The following COL21A1 variants were observed in gnomAD, a reference collection of about 807,000 sequenced individuals.
The protein encoded by COL21A1 is collagen type XXI alpha 1 chain, also known as collagen alpha-1(XXI) chain.
Under a neutral mutation model 137.9 loss-of-function variants are expected in COL21A1, and 149 were observed. The ratio of observed to expected loss-of-function variants is 1.08; its 90% CI spans 0.95 to 1.24. COL21A1 has a LOEUF of 1.24. COL21A1 is among the 50% of genes most tolerant of loss of function. The pLI is 0.00. For missense variants in COL21A1, 1,167 were observed against 1,158.4 expected, an observed-to-expected ratio of 1.01 and a Z score of -0.11; for synonymous variants, 456 against 391.5, an observed-to-expected ratio of 1.16 and a Z score of -1.95.
intron 1 of COL21A1, among the ~76,000 whole-genome samples, chr6:56,391,411 C>T (rs776854275): frequency 1.3e-5 from 2 of 151,630 alleles, no homozygotes; most frequent in Non-Finnish European, 2.9e-5. Context: ...AAATCAAATT[C>T]AAAATTAATA....
At chr6:56,310,169 G>A (rs1259660465) in intron 1 of COL21A1, among the ~76,000 whole-genome samples, 3 of 149,430 alleles carry the variant, frequency 2.0e-5, no homozygotes, top group East Asian at 1.9e-4. Context: ...AATCAGAAAC[G>A]CAAAAAGAAA....
intron 1 of COL21A1, among the ~76,000 whole-genome samples, chr6:56,254,276 T>C (rs1782921017): frequency 1.3e-5 from 2 of 152,362 alleles, no homozygotes; most frequent in South Asian, 4.1e-4. Context: ...TTCTTTGTGG[T>C]AACCCAGTTA....
intron 24 of COL21A1, 60 bp downstream of exon 24, chr6:56,064,518 G>A: frequency 8.8e-7 from 1 of 1,131,800 alleles, no homozygotes; most frequent in Non-Finnish European, 1.3e-6. Flanking sequence ...TCCTCTCTCA[G>A]CATTGTCCAG....
intron 12 of COL21A1, among the ~76,000 whole-genome samples, chr6:56,135,214 G>GA (rs1351913641): frequency 6.6e-6 from 1 of 151,728 alleles, no homozygotes; most frequent in African/African-American, 2.4e-5. Context: ...ATACAACCCA[G>GA]AAAAAATATT....
intron 17 of COL21A1, among the ~76,000 whole-genome samples, chr6:56,099,994 C>T (rs561707120): frequency 1.3e-5 from 2 of 152,170 alleles, no homozygotes; most frequent in Non-Finnish European, 2.9e-5. Context: ...GTTCTTTTTA[C>T]TATGTTCTCT....
intron 16 of COL21A1, among the ~76,000 whole-genome samples, chr6:56,112,264 T>C (rs1771498401): frequency 6.6e-6 from 1 of 152,152 alleles, no homozygotes; most frequent in Admixed American, 6.5e-5. Context: ...TTTTATCTCA[T>C]ACCATACATA....
At chr6:56,377,196 G>A (rs2094000927) in intron 1 of COL21A1, among the ~76,000 whole-genome samples, 1 of 151,892 alleles carries the variant, frequency 6.6e-6, no homozygotes, top group African/African-American at 2.4e-5. Flanking sequence ...TCACCATGCT[G>A]GCCAGGCTGG....
chr6:56,111,151 CAA>C (rs34644083), intron 16 of COL21A1, among the ~76,000 whole-genome samples: 4 of 142,518 alleles, frequency 2.8e-5, no homozygotes, highest in African/African-American at 7.7e-5. Context: ...TATCCTTTTC[CAA>C]AAAAAAAAAA....
At chr6:56,138,875 C>T (rs1358933431) in intron 12 of COL21A1, among the ~76,000 whole-genome samples, 4 of 152,008 alleles carry the variant, frequency 2.6e-5, no homozygotes, top group African/African-American at 9.7e-5. Context: ...TCAAATGGAT[C>T]ATCCTTTAGG....
In COL21A1 at chr6:56,270,207, A is replaced by C. The variant is rs547281418; in HGVS notation, c.-38-87551T>G. 2.6e-5 allele frequency among the ~76,000 whole-genome samples: 4 copies of C among 152,320 alleles called. No homozygotes were observed. The East Asian group carries it at 7.7e-4, about 29-fold the overall frequency. ...ACATGTAGTGATACCCACAGGCTCA[A>C]TGTAAATAGAGAAAGATCTACCCCG... On this transcript the variant is annotated intron_variant, in intron 1 of 28. Transcript: ENST00000370819.
At chr6:56,202,692 G>A (rs1392762163) in intron 1 of COL21A1, among the ~76,000 whole-genome samples, 1 of 152,118 alleles carries the variant, frequency 6.6e-6, no homozygotes, top group Non-Finnish European at 1.5e-5. Context: ...TGCAGGGTAG[G>A]TATTTCTTGA....
intron 9 of COL21A1, among the ~76,000 whole-genome samples, chr6:56,163,608 C>T (rs1190073954): frequency 6.6e-6 from 1 of 151,836 alleles, no homozygotes; most frequent in East Asian, 1.9e-4. Context: ...ACTCGGGAGG[C>T]TGAGGCAGGG....
intron 1 of COL21A1, among the ~76,000 whole-genome samples, chr6:56,230,510 A>T (rs1024887615): frequency 1.3e-5 from 2 of 151,852 alleles, no homozygotes; most frequent in East Asian, 3.9e-4. Context: ...ATTAATTCAA[A>T]TGGCATCCTT....
At chr6:56,375,473 G>C (rs538043367) in intron 1 of COL21A1, among the ~76,000 whole-genome samples, 45 of 152,166 alleles carry the variant, frequency 3.0e-4, no homozygotes, top group Non-Finnish European at 5.7e-4. Flanking sequence ...CTCTCACCAA[G>C]CAGTCTTCTC....
intron 1 of COL21A1, among the ~76,000 whole-genome samples, chr6:56,227,460 A>G (rs906625540): frequency 6.6e-6 from 1 of 152,038 alleles, no homozygotes; most frequent in Non-Finnish European, 1.5e-5. Flanking sequence ...ATCCTTGTTC[A>G]ATAAAAACCC....
At chr6:56,248,426 C>A (rs1226780624), upstream of COL21A1, among the ~76,000 whole-genome samples, 4 of 152,212 alleles carry the variant, frequency 2.6e-5, no homozygotes, top group Non-Finnish European at 5.9e-5. Context: ...GAGAGTGAGT[C>A]CTTCCTGTAC....
At chr6:56,133,544 AG>A (rs1284110460) in intron 12 of COL21A1, among the ~76,000 whole-genome samples, 1 of 152,244 alleles carries the variant, frequency 6.6e-6, no homozygotes, top group Non-Finnish European at 1.5e-5. Flanking sequence ...AGCCGGCTGC[AG>A]GAATTTGCAT....
intron 10 of COL21A1, among the ~76,000 whole-genome samples, chr6:56,148,364 G>GAGAC (rs1262686583): frequency 5.3e-5 from 8 of 150,608 alleles, no homozygotes; most frequent in Non-Finnish European, 5.9e-5. Flanking sequence ...GAGAGAGAGA[G>GAGAC]AGAGAAACAC....
chr6:56,252,628 A>G (rs992361139), intron 1 of COL21A1, among the ~76,000 whole-genome samples: 30 of 152,188 alleles, frequency 2.0e-4, no homozygotes, highest in African/African-American at 7.2e-4. Context: ...CTTTTCATAT[A>G]TTAATCTACT....
Sources: gnomAD v4.1 joint callset for allele counts (sites outside exome capture counted in the v4.1 genomes callset) on GRCh38, gnomAD v4.1.1 for gene constraint, MANE v1.5 for transcripts, NCBI Gene and HGNC (gene_info 2026-07-23, HGNC 2026-07-21) for gene names.